The following CSNK1G1 variants were observed in gnomAD, a reference collection of about 807,000 sequenced individuals.
CSNK1G1 encodes the protein casein kinase I isoform gamma-1.
A neutral mutation model predicts 59.6 loss-of-function variants in CSNK1G1; 22 were observed. The observed-to-expected ratio is 0.37, with a 90% CI of 0.26 to 0.53. The LOEUF is 0.53. Among genes scored for constraint, CSNK1G1 ranks in the 20% least tolerant of loss-of-function variants. The pLI, the probability that CSNK1G1 is intolerant of heterozygous loss-of-function variation, is 0.89. For missense variants in CSNK1G1, 384 were observed against 519.5 expected, an observed-to-expected ratio of 0.74 and a Z score of 2.54; for synonymous variants, 179 against 177.1, an observed-to-expected ratio of 1.01 and a Z score of -0.08.
chr15:64,300,575 G>T lies in CSNK1G1; in HGVS notation c.-76C>A, dbSNP rs1185704566. ...ATACCTCTCTTCAATACAAAAGTATGTCCAAATAAATTGTAGTCAGAGAAA... is the reference window on the plus strand; with the variant it reads ...ATACCTCTCTTCAATACAAAAGTATTTCCAAATAAATTGTAGTCAGAGAAA... On this transcript the variant is annotated 5_prime_UTR_variant, in exon 2 of 12. Transcript: ENST00000303052. 3.9e-5 allele frequency: 58 copies of T among 1,479,514 alleles called. No individual in the cohort carries two copies. In the East Asian group the frequency reaches 1.3e-3, roughly 34 times the overall value. 91.6% of individuals were successfully genotyped at this position (1,479,514 alleles called of 1,614,324 possible).
At chr15:64,279,959 G>A (rs143415887) in intron 2 of CSNK1G1, among the ~76,000 whole-genome samples, 7,039 of 147,076 alleles carry the variant, frequency 0.048, 178 homozygotes, top group South Asian at 0.077. Flanking sequence ...GCAACAGAGC[G>A]AGACTCCATC....
chr15:64,203,276 G>A, intron 9 of CSNK1G1, 87 bp from the exon 10 acceptor site: 1 of 839,630 alleles, frequency 1.2e-6, no homozygotes, highest in South Asian at 1.4e-5. Flanking sequence ...AATTCTAATA[G>A]AGTAGTAGTA....
At chr15:64,326,538 G>A (rs1204313187) in intron 1 of CSNK1G1, among the ~76,000 whole-genome samples, 2 of 152,032 alleles carry the variant, frequency 1.3e-5, no homozygotes, top group Non-Finnish European at 2.9e-5. Context: ...CAGCCACTCA[G>A]GAGGCCGAAG....
intron 1 of CSNK1G1, among the ~76,000 whole-genome samples, chr15:64,308,587 G>A (rs915013222): frequency 5.9e-5 from 9 of 151,798 alleles, no homozygotes; most frequent in Non-Finnish European, 1.0e-4. Flanking sequence ...CCAGTCTTCC[G>A]ACTTCCTTTA....
intron 2 of CSNK1G1, among the ~76,000 whole-genome samples, chr15:64,289,714 T>C (rs548464512): frequency 2.0e-5 from 3 of 152,284 alleles, no homozygotes; most frequent in South Asian, 4.1e-4. Context: ...AAGGATATTA[T>C]AGTATTTACA....
intron 1 of CSNK1G1, among the ~76,000 whole-genome samples, chr15:64,327,013 G>A (rs1204099309): frequency 2.0e-5 from 3 of 150,952 alleles, no homozygotes; most frequent in South Asian, 4.3e-4. Flanking sequence ...CACCTGGCTC[G>A]GAGGGTCCTA....
Position 64,259,183 on chromosome 15 carries a change from C to G in CSNK1G1, c.222+18G>C, listed in dbSNP as rs771190640. On this transcript the variant is annotated intron_variant, in intron 3 of 11. Transcript: ENST00000303052. ...GGGAGCACCAAAACATTAATTACCA[C>G]AAACAGATTCTACTCACCAGTTTGA... 6.3e-7 allele frequency: 1 copy of G among 1,575,060 alleles called. No individual in the cohort carries two copies. The highest frequency in any genetic ancestry group is 1.8e-5 in the Admixed American group (1 of 54,470).
At chr15:64,275,304 G>A (rs764006004) in intron 2 of CSNK1G1, among the ~76,000 whole-genome samples, 3 of 152,170 alleles carry the variant, frequency 2.0e-5, no homozygotes, top group Non-Finnish European at 4.4e-5. Flanking sequence ...CTCCCAAAGT[G>A]CTGGGAGGCA....
intron 11 of CSNK1G1, chr15:64,179,970 A>G (rs1020091324): frequency 5.8e-6 from 1 of 171,976 alleles, no homozygotes; most frequent in Non-Finnish European, 1.3e-5. Context: ...GCTAGCCCAC[A>G]ATCAGAAATC....
At chr15:64,278,416 G>A (rs867223907) in intron 2 of CSNK1G1, among the ~76,000 whole-genome samples, 6 of 98,512 alleles carry the variant, frequency 6.1e-5, no homozygotes, top group African/African-American at 1.7e-4. Flanking sequence ...GTGTGTGTGT[G>A]TGTATATATA....
At position 64,201,741 on chromosome 15, in the gene CSNK1G1, TGTGTGTGTG is replaced by T. The variant is rs1567370266; in HGVS notation, c.1107+1332_1107+1340del. Among the ~76,000 whole-genome samples, 587 of 148,626 alleles carry T rather than the reference TGTGTGTGTG, an allele frequency of 3.9e-3. 7 individuals are homozygous for T. Among genetic ancestry groups the T allele is most frequent in the African/African-American group, 0.014 (540 of 38,426 alleles). ...GTGTGTGTGTGTGTGTGTGTGTGTG[TGTGTGTGTG>T]TTTATATACTATTCTTAACCTATAT... is the stretch of plus-strand genomic sequence containing the variant. On this transcript the variant is annotated intron_variant, in intron 10 of 11. Coordinates refer to ENST00000303052, the MANE Select transcript of CSNK1G1 (RefSeq NM_022048.5).
At chr15:64,344,404 C>T (rs549239474) in intron 1 of CSNK1G1, among the ~76,000 whole-genome samples, 76 of 152,250 alleles carry the variant, frequency 5.0e-4, no homozygotes, top group Non-Finnish European at 6.2e-4. Flanking sequence ...TAAATATTAA[C>T]AGATTATCTC....
At chr15:64,313,160 C>A (rs1382034066) in intron 1 of CSNK1G1, among the ~76,000 whole-genome samples, 1 of 152,018 alleles carries the variant, frequency 6.6e-6, no homozygotes, top group Non-Finnish European at 1.5e-5. Flanking sequence ...TGGGAGTGTA[C>A]ATTAGTTCAA....
At chr15:64,317,687 G>A (rs780448149) in intron 1 of CSNK1G1, among the ~76,000 whole-genome samples, 3 of 151,460 alleles carry the variant, frequency 2.0e-5, no homozygotes, top group African/African-American at 4.9e-5. Context: ...TTGCAGAAAC[G>A]TGGTCTCACT....
chr15:64,321,658 T>C (rs1335752131), intron 1 of CSNK1G1, among the ~76,000 whole-genome samples: 1 of 152,228 alleles, frequency 6.6e-6, no homozygotes, highest in East Asian at 1.9e-4. Context: ...GGCTATTGGC[T>C]AATATGAAGA....
At position 64,308,258 on chromosome 15, in the gene CSNK1G1, T is replaced by C. The variant is rs79358706; in HGVS notation, c.-224-7535A>G. Among the ~76,000 whole-genome samples the C allele has an allele frequency of 2.2e-4, 34 of 152,154 alleles. No homozygotes were observed. The East Asian group carries it at 6.4e-3, about 29-fold the overall frequency. ...ATTCGTCTGTTCTACCTGTTGTACA[T>C]TTTTGTTTATTATATTTTTTTGTAG... On this transcript the variant is annotated intron_variant, in intron 1 of 11. Transcript: ENST00000303052.
At chr15:64,242,353 T>C (rs1210882988) in intron 4 of CSNK1G1, among the ~76,000 whole-genome samples, 3 of 152,164 alleles carry the variant, frequency 2.0e-5, no homozygotes, top group Non-Finnish European at 4.4e-5. Flanking sequence ...GCTGTCTTCA[T>C]GGTAAGTGAC....
At position 64,329,586 on chromosome 15, in the gene CSNK1G1, T is replaced by C. The variant is rs1453627658; in HGVS notation, c.-225+26402A>G. On this transcript the variant is annotated intron_variant, in intron 1 of 11. Coordinates refer to ENST00000303052, the MANE Select transcript of CSNK1G1 (RefSeq NM_022048.5). ...AAGAGAAAGCAGGAAAGATCCAAAA[T>C]TGACATCCTAACATCACAATTAAAA... Among the ~76,000 whole-genome samples the C allele has an allele frequency of 8.3e-5, 11 of 132,598 alleles. No homozygotes were observed. In the East Asian group the frequency reaches 2.4e-3, roughly 28 times the overall value. The allele number at this position is 132,598 out of a possible 152,430, so 87.0% of individuals were successfully genotyped here. A position where few individuals can be genotyped will look rare whatever the true frequency, so the allele number is the denominator to read the frequency against.
At chr15:64,276,257 G>C (rs923524095) in intron 2 of CSNK1G1, among the ~76,000 whole-genome samples, 5 of 152,090 alleles carry the variant, frequency 3.3e-5, no homozygotes, top group Admixed American at 2.0e-4. Flanking sequence ...ATAGTGGTGG[G>C]CAGAAAAACT....
Sources: allele counts gnomAD v4.1 joint callset (sites outside exome capture counted in the v4.1 genomes callset), GRCh38; gene constraint gnomAD v4.1.1; transcripts MANE v1.5; gene names NCBI Gene and HGNC (gene_info 2026-07-23, HGNC 2026-07-21).